The following KCNMB2 variants were observed in gnomAD, a reference collection of about 807,000 sequenced individuals.
KCNMB2 encodes the protein calcium-activated potassium channel subunit beta-2.
KCNMB2 carries 9 observed loss-of-function variants against 24.5 expected under a neutral mutation model. That is an observed-to-expected ratio of 0.37 (90% CI 0.22 to 0.64). The LOEUF is 0.64. KCNMB2 is among the 30% of genes least tolerant of loss of function. The pLI is 0.63. For synonymous variants in KCNMB2, 109 were observed against 104.4 expected, an observed-to-expected ratio of 1.04 and a Z score of -0.27; for missense variants, 226 against 284.3, an observed-to-expected ratio of 0.79 and a Z score of 1.47.
chr3:178,564,945 A>G (rs945174857), intron 1 of KCNMB2, among the ~76,000 whole-genome samples: 1 of 152,196 alleles, frequency 6.6e-6, no homozygotes, highest in Non-Finnish European at 1.5e-5. Context: ...CTTATGATAC[A>G]TCTATATTCT....
chr3:178,784,923 A>T (rs140892120), intron 1 of KCNMB2, among the ~76,000 whole-genome samples: 1 of 149,498 alleles, frequency 6.7e-6, no homozygotes, highest in East Asian at 2.0e-4. Flanking sequence ...AAAAGTATCC[A>T]CTCTTAATGT....
intron 1 of KCNMB2, among the ~76,000 whole-genome samples, chr3:178,580,010 C>T (rs1717139640): frequency 6.6e-6 from 1 of 152,176 alleles, no homozygotes; most frequent in East Asian, 1.9e-4. Context: ...TCCTCCCTAA[C>T]TCATTTTATG....
At chr3:178,576,628 T>A (rs552986353) in intron 1 of KCNMB2, among the ~76,000 whole-genome samples, 17 of 152,254 alleles carry the variant, frequency 1.1e-4, no homozygotes, top group African/African-American at 3.6e-4. Flanking sequence ...CAGTCTGAAG[T>A]CGACCTGGGA....
At chr3:178,758,210 A>T (rs1184146443) in intron 1 of KCNMB2, among the ~76,000 whole-genome samples, 4 of 60,852 alleles carry the variant, frequency 6.6e-5, no homozygotes, top group Admixed American at 3.9e-4. Flanking sequence ...ATATATATCC[A>T]AGGGGATATA....
chr3:178,733,715 G>A (rs1723228094), intron 1 of KCNMB2, among the ~76,000 whole-genome samples: 1 of 152,018 alleles, frequency 6.6e-6, no homozygotes. Context: ...TCCTGACCTC[G>A]TGATCCACCC....
At chr3:178,775,848 A>G (rs1264705249) in intron 1 of KCNMB2, among the ~76,000 whole-genome samples, 2 of 152,146 alleles carry the variant, frequency 1.3e-5, no homozygotes, top group Non-Finnish European at 2.9e-5. Context: ...AGCACTCTCT[A>G]TGTATCTCGA....
intron 1 of KCNMB2, among the ~76,000 whole-genome samples, chr3:178,737,136 G>A (rs1023126892): frequency 7.9e-5 from 12 of 152,222 alleles, no homozygotes; most frequent in African/African-American, 9.6e-5. Flanking sequence ...CAGGCGTGGC[G>A]GTGCCCACCT....
At chr3:178,840,311 C>T (rs556415698) in intron 4 of KCNMB2, among the ~76,000 whole-genome samples, 53 of 152,314 alleles carry the variant, frequency 3.5e-4, no homozygotes, top group Non-Finnish European at 4.7e-4. Flanking sequence ...CCTGCAGTTG[C>T]TTTCCCGGGC....
chr3:178,833,363 G>C (rs935071407), intron 4 of KCNMB2, among the ~76,000 whole-genome samples: 2 of 152,090 alleles, frequency 1.3e-5, no homozygotes, highest in Non-Finnish European at 2.9e-5. Context: ...AGGGAAAAAA[G>C]GCACCAAACA....
intron 1 of KCNMB2, among the ~76,000 whole-genome samples, chr3:178,630,454 C>G (rs1286742079): frequency 2.6e-5 from 4 of 152,228 alleles, no homozygotes; most frequent in Non-Finnish European, 5.9e-5. Context: ...CTGTCAAGTT[C>G]TGTTTCTGCC....
rs75382777 is a variant in KCNMB2 at position 178,830,958 on chromosome 3, G to A, written c.423+2585G>A. On this transcript the variant is annotated intron_variant, in intron 4 of 4. Coordinates refer to ENST00000452583, the MANE Select transcript of KCNMB2 (RefSeq NM_181361.3). Reference sequence around the variant, plus strand: ...GTCAATCTTTTTCTTTCTGTTCAGTGCTTTTGCTGTTCTGTTTAAGTCTTA... The same window carrying A: ...GTCAATCTTTTTCTTTCTGTTCAGTACTTTTGCTGTTCTGTTTAAGTCTTA... Among the ~76,000 whole-genome samples, 83 of 152,142 alleles carry A rather than the reference G, an allele frequency of 5.5e-4. 1 individual carries two copies. The East Asian group carries it at 0.016, about 29-fold the overall frequency.
At chr3:178,649,627 T>C (rs1019955725) in intron 1 of KCNMB2, among the ~76,000 whole-genome samples, 7 of 152,170 alleles carry the variant, frequency 4.6e-5, no homozygotes, top group African/African-American at 1.2e-4. Flanking sequence ...AATGTATCCA[T>C]TTCTTCTAGA....
At chr3:178,816,786 T>G (rs1315882280) in intron 2 of KCNMB2, among the ~76,000 whole-genome samples, 1 of 152,156 alleles carries the variant, frequency 6.6e-6, no homozygotes, top group Non-Finnish European at 1.5e-5. Context: ...ATTCTAGTTA[T>G]TTTTTGTTAT....
At chr3:178,688,318 T>A (rs1242070919) in intron 1 of KCNMB2, among the ~76,000 whole-genome samples, 1 of 152,192 alleles carries the variant, frequency 6.6e-6, no homozygotes, top group Non-Finnish European at 1.5e-5. Flanking sequence ...AAGTTTATGG[T>A]CATATTTTTC....
intron 1 of KCNMB2, among the ~76,000 whole-genome samples, chr3:178,758,694 C>CTCCAAGAGGATATATATATATATATATA: frequency 1.0e-4 from 1 of 10,018 alleles, no homozygotes; most frequent in African/African-American, 4.6e-4. Context: ...ATATATCTCT[C>CTCCAAGAGGATATATATATATATATATA]TCTCTACAAG....
intron 1 of KCNMB2, chr3:178,558,892 G>C (rs1187690736): frequency 6.6e-6 from 1 of 152,128 alleles, no homozygotes; most frequent in Non-Finnish European, 1.5e-5. Context: ...TACGCTCTTG[G>C]GTCGTCTCAT....
At chr3:178,606,020 G>C (rs564638302) in intron 1 of KCNMB2, among the ~76,000 whole-genome samples, 1 of 152,242 alleles carries the variant, frequency 6.6e-6, no homozygotes, top group East Asian at 1.9e-4. Context: ...ATTTGTGTGG[G>C]CATAAACTGT....
chr3:178,831,853 A>G (rs894528495), intron 4 of KCNMB2, among the ~76,000 whole-genome samples: 45 of 152,104 alleles, frequency 3.0e-4, no homozygotes, highest in Admixed American at 2.0e-3. Flanking sequence ...GTGACATGCA[A>G]TTTACCTATG....
At chr3:178,545,011 C>G (rs555738894) in intron 1 of KCNMB2, among the ~76,000 whole-genome samples, 1 of 152,272 alleles carries the variant, frequency 6.6e-6, no homozygotes, top group East Asian at 1.9e-4. Flanking sequence ...AATGCCTTAT[C>G]TTTATTTACC....
Sources: gnomAD v4.1 joint callset for allele counts (sites outside exome capture counted in the v4.1 genomes callset) on GRCh38, gnomAD v4.1.1 for gene constraint, MANE v1.5 for transcripts, NCBI Gene and HGNC (gene_info 2026-07-23, HGNC 2026-07-21) for gene names.